The following SVEP1 variants were observed in gnomAD, a reference collection of about 807,000 sequenced individuals.
SVEP1 encodes the protein sushi, von Willebrand factor type A, EGF and pentraxin domain containing 1.
SVEP1 carries 164 observed loss-of-function variants against 367.3 expected under a neutral mutation model. That is an observed-to-expected ratio of 0.45 (90% CI 0.39 to 0.51). The LOEUF (loss-of-function observed/expected upper bound fraction) is 0.51. SVEP1 is among the 20% of genes least tolerant of loss of function. The probability of loss-of-function intolerance (pLI) is 0.00; values close to 1 mark genes in which losing one functional copy is unlikely to be tolerated. For synonymous variants in SVEP1, 1,666 were observed against 1,611.6 expected, an observed-to-expected ratio of 1.03 and a Z score of -0.81; for missense variants, 4,117 against 4,425.3, an observed-to-expected ratio of 0.93 and a Z score of 1.98.
chr9:110,441,895 C>T (rs965493809), intron 27 of SVEP1, among the ~76,000 whole-genome samples: 1 of 152,214 alleles, frequency 6.6e-6, no homozygotes, highest in African/African-American at 2.4e-5. Context: ...TCAGTAACTC[C>T]CTATTGATTT....
chr9:110,541,842 GATATCTATAT>G (rs1406610630), intron 3 of SVEP1, among the ~76,000 whole-genome samples: 15 of 126,748 alleles, frequency 1.2e-4, no homozygotes, highest in African/African-American at 2.1e-4. Context: ...TATATACATA[GATATCTATAT>G]ATATCTATAT....
intron 1 of SVEP1, among the ~76,000 whole-genome samples, chr9:110,563,890 A>C (rs755486553): frequency 5.3e-5 from 8 of 152,138 alleles, no homozygotes; most frequent in African/African-American, 1.2e-4. Context: ...GTACCTGTCT[A>C]CTGGTAATAA....
At chr9:110,551,361 C>T (rs1185835091) in intron 1 of SVEP1, among the ~76,000 whole-genome samples, 1 of 152,180 alleles carries the variant, frequency 6.6e-6, no homozygotes, top group Non-Finnish European at 1.5e-5. Flanking sequence ...TTCAATAATT[C>T]TTACCTAAAT....
intron 37 of SVEP1, among the ~76,000 whole-genome samples, chr9:110,409,316 G>A (rs760226180): frequency 6.6e-6 from 1 of 152,120 alleles, no homozygotes; most frequent in South Asian, 2.1e-4. Context: ...CAGCCATTTG[G>A]GAAGCTGAGG....
In SVEP1 at chr9:110,404,314, G is replaced by C. The variant is rs368991472; in HGVS notation, c.9666+13C>G. 28 of 1,612,214 alleles carry C rather than the reference G, an allele frequency of 1.7e-5. No individual in the cohort carries two copies. Among genetic ancestry groups the C allele is most frequent in the Non-Finnish European group, 2.4e-5 (28 of 1,178,640 alleles). On this transcript the variant is annotated intron_variant, in intron 39 of 47. Coordinates refer to ENST00000374469, the MANE Select transcript of SVEP1 (RefSeq NM_153366.4). ...TGTAGGCATTACACATTCTAATTAA[G>C]ACAGAATCTTACCTGACATACTGAT...
chr9:110,538,498 C>A (rs1830105799), intron 3 of SVEP1, among the ~76,000 whole-genome samples: 2 of 152,036 alleles, frequency 1.3e-5, no homozygotes, highest in Admixed American at 1.3e-4. Context: ...AATATTTAGA[C>A]AGGAAAGTGT....
rs146578550 is a variant in SVEP1 at position 110,563,283 on chromosome 9, C to T, written c.532-13179G>A. ...ACAAAAATTACAGCATGTGCTTTTACTACATATGACATATAATTACATATG... is the reference window on the plus strand; with the variant it reads ...ACAAAAATTACAGCATGTGCTTTTATTACATATGACATATAATTACATATG... On this transcript the variant is annotated intron_variant, in intron 1 of 47. Transcript: ENST00000374469. Among the ~76,000 whole-genome samples, 35 of 152,154 alleles carry T rather than the reference C, an allele frequency of 2.3e-4. No homozygotes were observed. In the East Asian group the frequency reaches 6.6e-3, roughly 29 times the overall value.
intron 3 of SVEP1, among the ~76,000 whole-genome samples, chr9:110,537,040 C>T (rs1437624477): frequency 6.6e-6 from 1 of 151,898 alleles, no homozygotes; most frequent in East Asian, 1.9e-4. Context: ...TCAAATTCTT[C>T]AATTTCAATA....
At chr9:110,454,763 C>T (rs527238017) in intron 22 of SVEP1, among the ~76,000 whole-genome samples, 22 of 152,096 alleles carry the variant, frequency 1.4e-4, no homozygotes, top group African/African-American at 5.3e-4. Context: ...ACATTGAGTA[C>T]ACATGGAATA....
intron 5 of SVEP1, among the ~76,000 whole-genome samples, chr9:110,504,291 A>G (rs988696297): frequency 9.9e-5 from 15 of 151,522 alleles, no homozygotes; most frequent in African/African-American, 3.4e-4. Flanking sequence ...TGATCTCCTG[A>G]CCTTGTGATC....
At chr9:110,451,664 G>T (rs1828695433) in intron 22 of SVEP1, among the ~76,000 whole-genome samples, 1 of 152,110 alleles carries the variant, frequency 6.6e-6, no homozygotes, top group Non-Finnish European at 1.5e-5. Flanking sequence ...TGAAAAAGAT[G>T]TGTGATTTTG....
intron 1 of SVEP1, among the ~76,000 whole-genome samples, chr9:110,566,193 A>G (rs1433707856): frequency 6.6e-6 from 1 of 151,788 alleles, no homozygotes; most frequent in East Asian, 1.9e-4. Context: ...GTGGTGGCTC[A>G]CACCTGTATT....
rs1338039485 is a variant in SVEP1 at position 110,549,829 on chromosome 9, T to C, written c.787+20A>G. On this transcript the variant is annotated intron_variant, in intron 2 of 47. Coordinates refer to ENST00000374469, the MANE Select transcript of SVEP1 (RefSeq NM_153366.4). The stretch of plus-strand genomic sequence containing the variant: ...GCCTCATTTAAAAGTACCTTTGTGA[T>C]GCCATTAGGTTTCCATTACCTTCAT... 2.5e-6 allele frequency: 4 copies of C among 1,611,624 alleles called. No homozygotes were observed. The African/African-American group carries it at 4.0e-5, about 16-fold the overall frequency.
chr9:110,372,103 T>C (rs1827287125), intron 46 of SVEP1, among the ~76,000 whole-genome samples: 1 of 152,212 alleles, frequency 6.6e-6, no homozygotes, highest in Admixed American at 6.5e-5. Context: ...GCTTTGGTTA[T>C]CCTTTGCTGA....
intron 3 of SVEP1, among the ~76,000 whole-genome samples, chr9:110,528,168 A>G (rs1232493283): frequency 4.0e-4 from 51 of 126,860 alleles, no homozygotes; most frequent in African/African-American, 7.0e-4. Context: ...ATATATATAT[A>G]TATATATATA....
intron 46 of SVEP1, 47 bp from the exon 47 acceptor site, chr9:110,370,063 CTGA>C (rs1564120658): frequency 6.5e-7 from 1 of 1,543,350 alleles, no homozygotes; most frequent in East Asian, 2.3e-5. Context: ...CTTAGCAATT[CTGA>C]TGATATCCAT....
rs976370794 is a variant in SVEP1, at chr9:110,561,643, C to A, written c.532-11539G>T. Among the ~76,000 whole-genome samples, 4 of 152,132 alleles carry A rather than the reference C, an allele frequency of 2.6e-5. No individual in the cohort carries two copies. In the South Asian group the frequency reaches 8.3e-4, roughly 32 times the overall value. On this transcript the variant is annotated intron_variant, in intron 1 of 47. Transcript: ENST00000374469. Reference sequence around the variant, plus strand: ...TACCAGATCCATATTGAGCATCTATCATATACCAGGCACTGTACTAGGGAT... The same window carrying A: ...TACCAGATCCATATTGAGCATCTATAATATACCAGGCACTGTACTAGGGAT...
chr9:110,459,259 C>A (rs768282366), intron 18 of SVEP1, 146 bp from the exon 19 acceptor site: 7 of 655,058 alleles, frequency 1.1e-5, no homozygotes, highest in South Asian at 3.6e-5. Context: ...CATCTTATCA[C>A]CCAGGTAAAT....
intron 38 of SVEP1, among the ~76,000 whole-genome samples, chr9:110,405,553 C>T (rs1256919040): frequency 1.3e-5 from 2 of 151,474 alleles, no homozygotes; most frequent in African/African-American, 2.4e-5. Context: ...TTATGAATAC[C>T]TACGTGGACT....
Sources: gnomAD v4.1 joint callset for allele counts (sites outside exome capture counted in the v4.1 genomes callset) on GRCh38, gnomAD v4.1.1 for gene constraint, MANE v1.5 for transcripts, NCBI Gene and HGNC (gene_info 2026-07-23, HGNC 2026-07-21) for gene names.